MAOB: variants seen among roughly 807,000 people sequenced by gnomAD.
The protein encoded by MAOB is amine oxidase [flavin-containing] B.
A neutral mutation model predicts 41.9 loss-of-function variants in MAOB; 15 were observed. The observed-to-expected ratio is 0.36, with a 90% CI of 0.24 to 0.55. The LOEUF is 0.55. MAOB is among the 20% of genes least tolerant of loss of function. The pLI, the probability that MAOB is intolerant of heterozygous loss-of-function variation, is 0.86. For synonymous variants in MAOB, 167 were observed against 144.2 expected (o/e 1.16, Z -1.13); for missense variants, 345 against 398.7 (o/e 0.87, Z 1.15).
intron 12 of MAOB, among the ~76,000 whole-genome samples, chrX:43,774,843 T>C (rs1263694380): frequency 9.0e-6 from 1 of 111,474 alleles, no homozygotes; most frequent in Non-Finnish European, 1.9e-5. Context: ...TATCTATGGG[T>C]ACATGATGTG....
chrX:43,797,036 C>A, intron 6 of MAOB, 89 bp downstream of exon 6: 1 of 972,220 alleles, frequency 1.0e-6, no homozygotes, highest in South Asian at 2.7e-5. Context: ...GCCTGCTTCC[C>A]ACTTCAGCAG....
intron 1 of MAOB, among the ~76,000 whole-genome samples, chrX:43,881,617 G>A (rs933014975): frequency 4.5e-5 from 5 of 112,202 alleles, no homozygotes; most frequent in Non-Finnish European, 9.4e-5. Flanking sequence ...CTAGGCCAGA[G>A]AGCAAAGCTG....
At chrX:43,867,686 G>A (rs985719171) in intron 1 of MAOB, among the ~76,000 whole-genome samples, 3 of 111,919 alleles carry the variant, frequency 2.7e-5, no homozygotes, top group Non-Finnish European at 3.8e-5. Flanking sequence ...CTTATCATGC[G>A]TACAAGAATT....
chrX:43,814,087 A>T, intron 3 of MAOB, among the ~76,000 whole-genome samples: 1 of 110,779 alleles, frequency 9.0e-6, no homozygotes, highest in Non-Finnish European at 1.9e-5. Context: ...AGAATGCTCC[A>T]GGCAGGCAGA....
chrX:43,829,022 G>A (rs2034984986), intron 3 of MAOB, among the ~76,000 whole-genome samples: 1 of 111,708 alleles, frequency 9.0e-6, no homozygotes, highest in South Asian at 3.8e-4. Context: ...GGTTTCCCTT[G>A]AGAGCCTAAA....
At chrX:43,874,107 A>T (rs1298723935) in intron 1 of MAOB, among the ~76,000 whole-genome samples, 1 of 112,432 alleles carries the variant, frequency 8.9e-6, no homozygotes, top group Non-Finnish European at 1.9e-5. Flanking sequence ...TTTTTTAAAG[A>T]AGAAAAAATG....
Position 43,874,109 on chromosome X carries a change from G to GA in MAOB, c.46+8144dup, listed in dbSNP as rs1317565707. ...TCTCTGTTTTTAGTTTTTTAAAGAA[G>GA]AAAAAATGTAAATACAGTCAAGTCC... On this transcript the variant is annotated intron_variant, in intron 1 of 14. Transcript: ENST00000378069. Among the ~76,000 whole-genome samples the GA allele has an allele frequency of 4.5e-5, 5 of 112,062 alleles. No individual in the cohort carries two copies. The East Asian group carries it at 1.1e-3, about 25-fold the overall frequency.
chrX:43,781,592 T>C (rs901474855), intron 8 of MAOB, 48 bp from the exon 9 acceptor site: 1 of 681,295 alleles, frequency 1.5e-6, no homozygotes, highest in Non-Finnish European at 2.2e-6. Context: ...TCTATCAAAA[T>C]ATCCATTACA....
chrX:43,863,132 G>A (rs1198526109), intron 1 of MAOB, among the ~76,000 whole-genome samples: 1 of 111,441 alleles, frequency 9.0e-6, no homozygotes, highest in Non-Finnish European at 1.9e-5. Context: ...ACATTAAACT[G>A]TCCATATTTT....
At chrX:43,853,577 C>T (rs145655520) in intron 1 of MAOB, among the ~76,000 whole-genome samples, 35 of 111,648 alleles carry the variant, frequency 3.1e-4, no homozygotes, top group Admixed American at 5.7e-4. Context: ...AGAATGTGAC[C>T]TTATATGGAG....
chrX:43,845,605 AAC>A lies in MAOB; in HGVS notation c.47-1843_47-1842del, dbSNP rs367703642. 2.9e-3 allele frequency among the ~76,000 whole-genome samples: 326 copies of A among 112,078 alleles called. 2 individuals are homozygous for A. The highest frequency in any genetic ancestry group is 0.01 in the African/African-American group (312 of 30,911). ...GCATCTGTATTCACAGCCATTATAC[AAC>A]ACTGTCTTCCCCGGACCCCCATGGC... is the stretch of plus-strand genomic sequence containing the variant. On this transcript the variant is annotated intron_variant, in intron 1 of 14. Transcript: ENST00000378069.
chrX:43,851,012 G>A (rs2035247842), intron 1 of MAOB, among the ~76,000 whole-genome samples: 1 of 111,831 alleles, frequency 8.9e-6, no homozygotes, highest in Non-Finnish European at 1.9e-5. Flanking sequence ...TAATAACCAA[G>A]CTTTTGTCTC....
chrX:43,811,000 T>G (rs2034739697), intron 3 of MAOB, among the ~76,000 whole-genome samples: 1 of 112,209 alleles, frequency 8.9e-6, no homozygotes, highest in East Asian at 2.8e-4. Context: ...CATGAAAATT[T>G]GTCTTTGACT....
intron 1 of MAOB, among the ~76,000 whole-genome samples, chrX:43,871,710 T>C (rs2035408814): frequency 9.2e-6 from 1 of 108,884 alleles, no homozygotes; most frequent in Non-Finnish European, 1.9e-5. Flanking sequence ...ACAAATTTCT[T>C]TTTCTCCCTG....
chrX:43,838,828 G>A (rs1602017315), intron 3 of MAOB, 40 bp downstream of exon 3: 3 of 1,128,686 alleles, frequency 2.7e-6, no homozygotes, highest in East Asian at 3.1e-5. Context: ...AAACATCATA[G>A]AGAAGTTTTC....
chrX:43,778,611 T>C (rs2034289600), intron 11 of MAOB, 71 bp downstream of exon 11: 1 of 884,716 alleles, frequency 1.1e-6, no homozygotes, highest in East Asian at 3.1e-5. Context: ...TGCATTAACC[T>C]ATCCCTGCTA....
intron 1 of MAOB, among the ~76,000 whole-genome samples, chrX:43,851,821 A>C (rs963528532): frequency 8.9e-6 from 1 of 111,923 alleles, no homozygotes; most frequent in Admixed American, 9.5e-5. Context: ...CAAGGAAAAG[A>C]AGTCTGAGTG....
chrX:43,813,609 C>T (rs1053714117), intron 3 of MAOB, among the ~76,000 whole-genome samples: 3 of 112,195 alleles, frequency 2.7e-5, no homozygotes, highest in Non-Finnish European at 5.6e-5. Flanking sequence ...AAGCTAATGA[C>T]GGACTCAATG....
intron 1 of MAOB, among the ~76,000 whole-genome samples, chrX:43,862,496 T>G (rs1304456280): frequency 8.9e-6 from 1 of 112,645 alleles, no homozygotes; most frequent in Admixed American, 9.4e-5. Flanking sequence ...TGAGTTTCAC[T>G]AAAGGCTTGT....
Sources: gnomAD v4.1 joint callset for allele counts (sites outside exome capture counted in the v4.1 genomes callset) on GRCh38, gnomAD v4.1.1 for gene constraint, MANE v1.5 for transcripts, NCBI Gene and HGNC (gene_info 2026-07-23, HGNC 2026-07-21) for gene names.